PCDHGB4: variants seen among roughly 807,000 people sequenced by gnomAD.
PCDHGB4 encodes protocadherin gamma-B4.
PCDHGB4 carries 38 observed loss-of-function variants against 60.5 expected under a neutral mutation model. That is an observed-to-expected ratio of 0.63 (90% confidence interval 0.48 to 0.82). The LOEUF (loss-of-function observed/expected upper bound fraction) is 0.82. PCDHGB4 is among the 40% of genes least tolerant of loss of function. PCDHGB4 has a pLI of 0.00. For missense variants in PCDHGB4, 1,109 were observed against 1,209.6 expected (o/e 0.92, Z 1.23); for synonymous variants, 456 against 509.7 (o/e 0.89, Z 1.42).
At chr5:141,404,112 A>G (rs372014000) in intron 1 of PCDHGB4, 3 of 1,613,380 alleles carry the variant, frequency 1.9e-6, no homozygotes, top group Non-Finnish European at 2.5e-6. Context: ...TGTTCTATCC[A>G]GGAGAATCTA....
intron 3 of PCDHGB4, among the ~76,000 whole-genome samples, chr5:141,506,116 A>T: frequency 6.6e-6 from 1 of 152,136 alleles, no homozygotes; most frequent in East Asian, 1.9e-4. Flanking sequence ...AAGAGTCACT[A>T]GGGCCCAGAG....
chr5:141,506,253 G>A (rs1332023284), intron 3 of PCDHGB4, among the ~76,000 whole-genome samples: 2 of 151,862 alleles, frequency 1.3e-5, no homozygotes, highest in Non-Finnish European at 2.9e-5. Flanking sequence ...GTTCGAAACC[G>A]GCCTGGCCAA....
In PCDHGB4 at chr5:141,485,417, G is replaced by A. The variant is rs1340790133; in HGVS notation, c.2398-9390G>A. The A allele has an allele frequency of 1.2e-6, 2 of 1,614,166 alleles. No homozygotes were observed. Among genetic ancestry groups the A allele is most frequent in the Non-Finnish European group, 8.5e-7 (1 of 1,180,038 alleles). ...ACACTTCCGTGTGGATTTGGACAGCGGAGCCCTGCTCATCAAGAACCCAAT... is the reference window on the plus strand; with the variant it reads ...ACACTTCCGTGTGGATTTGGACAGCAGAGCCCTGCTCATCAAGAACCCAAT... On this transcript the variant is annotated intron_variant, in intron 1 of 3. Coordinates refer to ENST00000519479, the MANE Select transcript of PCDHGB4 (RefSeq NM_003736.4). The surrounding 1 kb of genome is among the most constrained non-coding windows in gnomAD (Gnocchi z 5.7).
chr5:141,418,941 C>G, intron 1 of PCDHGB4: 1 of 1,614,034 alleles, frequency 6.2e-7, no homozygotes, highest in East Asian at 2.2e-5. Flanking sequence ...GAGGATTCCC[C>G]TCCAGGAGTG....
At chr5:141,505,827 TCA>T (rs1197972266) in intron 3 of PCDHGB4, among the ~76,000 whole-genome samples, 4 of 152,072 alleles carry the variant, frequency 2.6e-5, no homozygotes, top group South Asian at 4.1e-4. Context: ...TCTCTAAACC[TCA>T]GTTTCCTCAG....
chr5:141,489,944 T>A lies in PCDHGB4; in HGVS notation c.2398-4863T>A. On this transcript the variant is annotated intron_variant, in intron 1 of 3. Coordinates refer to ENST00000519479, the MANE Select transcript of PCDHGB4 (RefSeq NM_003736.4). The surrounding 1 kb of genome is among the most constrained non-coding windows in gnomAD (Gnocchi z 4.5). ...CTTATCTCTGTCATCGTGCTGGACA[T>A]CAATGATAATGCTCCAACCTTCCAA... 1 of 1,614,172 alleles carries A rather than the reference T, an allele frequency of 6.2e-7. No individual in the cohort carries two copies. The highest frequency in any genetic ancestry group is 8.5e-7 in the Non-Finnish European group (1 of 1,180,010).
intron 2 of PCDHGB4, among the ~76,000 whole-genome samples, chr5:141,500,793 A>G (rs1245472175): frequency 6.6e-6 from 1 of 152,210 alleles, no homozygotes; most frequent in Non-Finnish European, 1.5e-5. Context: ...ATTTTACAGA[A>G]TAAGTCCTCA....
Position 141,490,849 on chromosome 5 carries a change from C to T in PCDHGB4, c.2398-3958C>T, listed in dbSNP as rs200640560. The stretch of plus-strand genomic sequence containing the variant: ...GATGCTGCAGATTGTGGTGGGGGTT[C>T]GAGACTCCGGCTCTCCCCCATTGCA... On this transcript the variant is annotated intron_variant, in intron 1 of 3. Coordinates refer to ENST00000519479, the MANE Select transcript of PCDHGB4 (RefSeq NM_003736.4). This position sits in a 1 kb window ranked among gnomAD's most constrained non-coding sequence, Gnocchi z 5.4. The T allele has an allele frequency of 1.3e-5, 21 of 1,613,748 alleles. No individual in the cohort carries two copies. Among genetic ancestry groups the T allele is most frequent in the Admixed American group, 1.7e-5 (1 of 60,022 alleles).
chr5:141,440,401 C>T (rs1023628115), intron 1 of PCDHGB4: 4 of 152,088 alleles, frequency 2.6e-5, no homozygotes, highest in African/African-American at 7.3e-5. Context: ...GAGAGGCAAT[C>T]GCACCACTGC....
At chr5:141,417,001 A>G (rs1590037654) in intron 1 of PCDHGB4, 1 of 150,924 alleles carries the variant, frequency 6.6e-6, no homozygotes, top group African/African-American at 2.5e-5. Context: ...TTCATCTCAA[A>G]TAATTCTATT....
chr5:141,469,476 G>A (rs2154570344), intron 1 of PCDHGB4, among the ~76,000 whole-genome samples: 1 of 152,246 alleles, frequency 6.6e-6, no homozygotes, highest in South Asian at 2.1e-4. Context: ...TCGGGAGGCT[G>A]AGGCAGGAGA....
Position 141,389,141 on chromosome 5 carries a change from C to G in PCDHGB4, c.1257C>G (p.Thr419=), listed in dbSNP as rs919430175. The G allele has an allele frequency of 6.2e-7, 1 of 1,613,878 alleles. No homozygotes were observed. The highest frequency in any genetic ancestry group is 1.3e-5 in the African/African-American group (1 of 74,926). ...DREQNPEYNI[T]VTATDRGKPP... ...AGCAGAATCCAGAGTACAATATAAC[C>G]GTTACGGCAACAGATCGGGGCAAGC... is the stretch of plus-strand genomic sequence containing the variant. Residue 419 remains threonine (T), a synonymous_variant, in exon 1 of 4, where the codon ACC becomes ACG. Coordinates refer to ENST00000519479, the MANE Select transcript of PCDHGB4 (RefSeq NM_003736.4).
At chr5:141,463,438 C>CTTTTTT (rs71576115) in intron 1 of PCDHGB4, among the ~76,000 whole-genome samples, 4 of 103,256 alleles carry the variant, frequency 3.9e-5, no homozygotes, top group African/African-American at 1.3e-4. Context: ...TTTCCTTCTC[C>CTTTTTT]TTTTTTTTTT....
chr5:141,393,430 C>T, intron 1 of PCDHGB4: 1 of 1,614,040 alleles, frequency 6.2e-7, no homozygotes, highest in Non-Finnish European at 8.5e-7. Context: ...GAGGAAGAGG[C>T]TGCTCACCAC....
At chr5:141,443,662 C>A (rs1427397469) in intron 1 of PCDHGB4, among the ~76,000 whole-genome samples, 2 of 152,178 alleles carry the variant, frequency 1.3e-5, no homozygotes, top group African/African-American at 4.8e-5. Context: ...TAGCATTTTA[C>A]TGAACTAGTA....
Position 141,476,461 on chromosome 5 carries a change from G to T in PCDHGB4, c.2398-18346G>T. On this transcript the variant is annotated intron_variant, in intron 1 of 3. Transcript: ENST00000519479. This position sits in a 1 kb window ranked among gnomAD's most constrained non-coding sequence, Gnocchi z 7.6. The stretch of plus-strand genomic sequence containing the variant: ...CTCTGGAGTTGGTAGTGGAGAACCC[G>T]CTGGAGCTGTTCAGCGTGGAAGTGG... The T allele has an allele frequency of 6.2e-7, 1 of 1,614,122 alleles. No homozygotes were observed. Among genetic ancestry groups the T allele is most frequent in the Non-Finnish European group, 8.5e-7 (1 of 1,180,022 alleles).
rs2099746025 is a variant in PCDHGB4 at position 141,493,066 on chromosome 5, T to C, written c.2398-1741T>C. On this transcript the variant is annotated intron_variant, in intron 1 of 3. Coordinates refer to ENST00000519479, the MANE Select transcript of PCDHGB4 (RefSeq NM_003736.4). This position sits in a 1 kb window ranked among gnomAD's most constrained non-coding sequence, Gnocchi z 4.3. ...AACTACAATAGTAAAAAACACAAGT[T>C]TCTCCAACTCCAGGAGCTTTTATTC... Among the ~76,000 whole-genome samples the C allele has an allele frequency of 6.6e-6, 1 of 152,202 alleles. No homozygotes were observed. Among genetic ancestry groups the C allele is most frequent in the East Asian group, 1.9e-4 (1 of 5,194 alleles).
intron 1 of PCDHGB4, among the ~76,000 whole-genome samples, chr5:141,457,465 A>G (rs915755113): frequency 1.3e-5 from 2 of 152,194 alleles, no homozygotes; most frequent in African/African-American, 2.4e-5. Context: ...GATTCACAGG[A>G]ATAAGCAGGG....
At chr5:141,473,548 C>A (rs1158305951) in intron 1 of PCDHGB4, among the ~76,000 whole-genome samples, 3 of 152,118 alleles carry the variant, frequency 2.0e-5, no homozygotes, top group South Asian at 2.1e-4. Context: ...TAATGGAAGA[C>A]CTCTATTAGG....
Sources: gnomAD v4.1 joint callset for allele counts (sites outside exome capture counted in the v4.1 genomes callset) on GRCh38, gnomAD v4.1.1 for gene constraint, Gnocchi (gnomAD v3.1) non-coding constraint, MANE v1.5 for transcripts, NCBI Gene and HGNC (gene_info 2026-07-23, HGNC 2026-07-21) for gene names.